Variants in FTO observed in about 807,000 individuals in gnomAD.
FTO encodes FTO alpha-ketoglutarate dependent dioxygenase.
Under a neutral mutation model 63.9 loss-of-function variants are expected in FTO, and 47 were observed. The ratio of observed to expected loss-of-function variants is 0.74; its 90% CI spans 0.58 to 0.94. FTO has a LOEUF of 0.94. FTO is among the 40% of genes least tolerant of loss of function. The probability of loss-of-function intolerance (pLI) is 0.00; values close to 1 mark genes in which losing one functional copy is unlikely to be tolerated. For missense variants in FTO, 562 were observed against 618.1 expected, an observed-to-expected ratio of 0.91 and a Z score of 0.96; for synonymous variants, 207 against 224.4, an observed-to-expected ratio of 0.92 and a Z score of 0.69.
chr16:54,098,027 G>T (rs62034139), intron 8 of FTO, among the ~76,000 whole-genome samples: 21,914 of 152,102 alleles, frequency 0.14, 1,971 homozygotes, highest in East Asian at 0.28. Context: ...CAAATAAGCC[G>T]GTCTGACTGG....
At chr16:54,104,458 G>A (rs879307942) in intron 8 of FTO, among the ~76,000 whole-genome samples, 7 of 151,974 alleles carry the variant, frequency 4.6e-5, no homozygotes, top group African/African-American at 7.2e-5. Context: ...GATTATAGGC[G>A]TGCACCACCA....
At chr16:53,940,307 G>T (rs1249661567) in intron 8 of FTO, among the ~76,000 whole-genome samples, 3 of 152,160 alleles carry the variant, frequency 2.0e-5, no homozygotes, top group African/African-American at 7.2e-5. Flanking sequence ...AAACATGGCG[G>T]ACTTAAGGAC....
At chr16:53,979,523 T>A (rs2083495523) in intron 8 of FTO, 1 of 394,210 alleles carries the variant, frequency 2.5e-6, no homozygotes, top group Non-Finnish European at 4.4e-6. Flanking sequence ...TGGATCTTTT[T>A]TATGTTTATG....
At chr16:54,078,284 T>G (rs2086049396) in intron 8 of FTO, among the ~76,000 whole-genome samples, 1 of 149,940 alleles carries the variant, frequency 6.7e-6, no homozygotes, top group African/African-American at 2.4e-5. Context: ...GATATGTTAC[T>G]AAAATGTGCT....
intron 4 of FTO, among the ~76,000 whole-genome samples, chr16:53,867,765 C>G (rs1185433999): frequency 1.3e-5 from 2 of 152,104 alleles, no homozygotes; most frequent in African/African-American, 4.8e-5. Context: ...TTTCTGCCTG[C>G]TGTATCTGTC....
At chr16:53,967,656 G>A (rs1878026505) in intron 8 of FTO, among the ~76,000 whole-genome samples, 1 of 152,234 alleles carries the variant, frequency 6.6e-6, no homozygotes, top group African/African-American at 2.4e-5. Flanking sequence ...GACAGCAATA[G>A]GGTTGTGTTG....
At chr16:53,783,269 C>A (rs924368943) in intron 1 of FTO, among the ~76,000 whole-genome samples, 2 of 151,912 alleles carry the variant, frequency 1.3e-5, no homozygotes, top group African/African-American at 4.8e-5. Flanking sequence ...ATCATGAGGT[C>A]AGGAGTCCGA....
chr16:54,070,551 G>A (rs573565974), intron 8 of FTO: 5 of 152,004 alleles, frequency 3.3e-5, no homozygotes, highest in East Asian at 1.9e-4. Flanking sequence ...TTAGAATATC[G>A]TCCATTTTTT....
chr16:54,057,666 TTTCACCATGTTGCCCAGC>T (rs1219258844), intron 8 of FTO, among the ~76,000 whole-genome samples: 1 of 151,792 alleles, frequency 6.6e-6, no homozygotes, highest in African/African-American at 2.4e-5. Flanking sequence ...AGAGATGGGG[TTTCACCATGTTGCCCAGC>T]TGGGCAAATG....
chr16:54,076,940 T>TA (rs2086009462), intron 8 of FTO, among the ~76,000 whole-genome samples: 1 of 152,176 alleles, frequency 6.6e-6, no homozygotes, highest in Non-Finnish European at 1.5e-5. Flanking sequence ...TTTTTTATAT[T>TA]ATGGGTCAAA....
intron 8 of FTO, among the ~76,000 whole-genome samples, chr16:53,953,056 G>T (rs1384277607): frequency 2.6e-5 from 4 of 152,160 alleles, no homozygotes; most frequent in African/African-American, 9.7e-5. Context: ...CCCTCCCCAC[G>T]GGCCTAGAGT....
At chr16:54,076,586 A>G (rs999099617) in intron 8 of FTO, among the ~76,000 whole-genome samples, 3 of 152,194 alleles carry the variant, frequency 2.0e-5, no homozygotes, top group African/African-American at 7.2e-5. Context: ...ATATGCATAT[A>G]TATGTGTATA....
chr16:54,040,819 T>C (rs2085058384), intron 8 of FTO: 1 of 152,182 alleles, frequency 6.6e-6, no homozygotes, highest in Admixed American at 6.5e-5. Context: ...TGATTTTTAT[T>C]CCAAGCACAG....
At chr16:54,028,498 T>TA (rs1246402279) in intron 8 of FTO, among the ~76,000 whole-genome samples, 20 of 152,164 alleles carry the variant, frequency 1.3e-4, no homozygotes, top group Non-Finnish European at 2.1e-4. Context: ...TCAAGGGTGA[T>TA]ATGGTGTCAC....
chr16:54,052,377 C>A (rs140968666), intron 8 of FTO, among the ~76,000 whole-genome samples: 17 of 152,210 alleles, frequency 1.1e-4, no homozygotes, highest in African/African-American at 3.9e-4. Context: ...GTATGGTTTT[C>A]TTTTCAGTAA....
At chr16:53,720,633 A>G (rs1030922458) in intron 1 of FTO, among the ~76,000 whole-genome samples, 43 of 145,240 alleles carry the variant, frequency 3.0e-4, no homozygotes, top group African/African-American at 1.1e-3. Context: ...TATATCTTTT[A>G]TATATATAAA....
intron 7 of FTO, among the ~76,000 whole-genome samples, chr16:53,932,103 C>A (rs1567449572): frequency 6.6e-6 from 1 of 152,138 alleles, no homozygotes; most frequent in Non-Finnish European, 1.5e-5. Context: ...AATTTGCAAC[C>A]TGTGGATCCT....
At chr16:53,800,236 C>T (rs532784300) in intron 1 of FTO, among the ~76,000 whole-genome samples, 31 of 152,000 alleles carry the variant, frequency 2.0e-4, no homozygotes, top group African/African-American at 7.0e-4. Context: ...TCTCATTTCT[C>T]GATTGTTTTC....
intron 4 of FTO, among the ~76,000 whole-genome samples, chr16:53,873,400 G>T (rs1373525821): frequency 6.6e-6 from 1 of 151,508 alleles, no homozygotes; most frequent in East Asian, 1.9e-4. Flanking sequence ...TCTTCAAAGT[G>T]TCATACTTTG....
Sources: allele counts gnomAD v4.1 joint callset (sites outside exome capture counted in the v4.1 genomes callset), GRCh38; gene constraint gnomAD v4.1.1; transcripts MANE v1.5; gene names NCBI Gene and HGNC (gene_info 2026-07-23, HGNC 2026-07-21).